The following EPHB1 variants were observed in gnomAD, a reference collection of about 807,000 sequenced individuals.
EPHB1 encodes EPH receptor B1, also known as ephrin type-B receptor 1.
EPHB1 carries 30 observed loss-of-function variants against 94.4 expected under a neutral mutation model. That is an observed-to-expected ratio of 0.32 (90% confidence interval 0.24 to 0.43). The LOEUF (loss-of-function observed/expected upper bound fraction) is 0.43. Among genes scored for constraint, EPHB1 ranks in the 20% least tolerant of loss-of-function variants. The probability of loss-of-function intolerance (pLI) is 1.00; values close to 1 mark genes in which losing one functional copy is unlikely to be tolerated. For missense variants in EPHB1, 1,055 were observed against 1,308.3 expected, an observed-to-expected ratio of 0.81 and a Z score of 2.99; for synonymous variants, 522 against 489.1, an observed-to-expected ratio of 1.07 and a Z score of -0.89.
chr3:135,245,339 G>A (rs188068895), intron 13 of EPHB1, among the ~76,000 whole-genome samples: 162 of 152,256 alleles, frequency 1.1e-3, no homozygotes, highest in African/African-American at 3.8e-3. Flanking sequence ...TTTGAAACCA[G>A]CCTTCCAAGG....
intron 3 of EPHB1, among the ~76,000 whole-genome samples, chr3:135,011,570 C>T (rs1935621654): frequency 6.6e-6 from 1 of 152,178 alleles, no homozygotes; most frequent in African/African-American, 2.4e-5. Context: ...GGCTGCTGCT[C>T]TGCCTGCTTC....
In EPHB1 at chr3:135,121,876, A is replaced by G. The variant is rs187915826; in HGVS notation, c.962-10838A>G. On this transcript the variant is annotated intron_variant, in intron 4 of 15. Coordinates refer to ENST00000398015, the MANE Select transcript of EPHB1 (RefSeq NM_004441.5). ...CCTTCTAGAAAGTGAATAGATGGAA[A>G]GGGACTCCCAGATAACTATATCAGG... is the stretch of plus-strand genomic sequence containing the variant. Among the ~76,000 whole-genome samples the G allele has an allele frequency of 2.1e-3, 319 of 152,182 alleles. 1 individual carries two copies. Among genetic ancestry groups the G allele is most frequent in the African/African-American group, 7.3e-3 (302 of 41,524 alleles).
intron 15 of EPHB1, among the ~76,000 whole-genome samples, chr3:135,257,542 T>C (rs553954568): frequency 6.6e-6 from 1 of 151,912 alleles, no homozygotes; most frequent in South Asian, 2.1e-4. Context: ...GGGTCAGGGG[T>C]CAGGGACCCA....
intron 3 of EPHB1, among the ~76,000 whole-genome samples, chr3:135,053,384 AAT>A (rs1300734413): frequency 6.6e-6 from 1 of 152,100 alleles, no homozygotes; most frequent in Non-Finnish European, 1.5e-5. Context: ...CAATAAGTTA[AAT>A]ATATAGTCAC....
intron 3 of EPHB1, among the ~76,000 whole-genome samples, chr3:134,960,226 G>A (rs79296102): frequency 6.6e-6 from 1 of 151,996 alleles, no homozygotes; most frequent in Admixed American, 6.6e-5. Context: ...GGGTGAAGAA[G>A]ACTGGAAAGA....
intron 12 of EPHB1, 22 bp downstream of exon 12, chr3:135,201,711 CA>C: frequency 6.2e-7 from 1 of 1,606,596 alleles, no homozygotes; most frequent in South Asian, 1.1e-5. Context: ...TTGGCATTCT[CA>C]AGTAGAAGCA....
In EPHB1 at chr3:135,006,811, A is replaced by G. The variant is rs570687953; in HGVS notation, c.805+54759A>G. Among the ~76,000 whole-genome samples, 19 of 145,896 alleles carry G rather than the reference A, an allele frequency of 1.3e-4. No homozygotes were observed. In the East Asian group the frequency reaches 1.4e-3, roughly 10 times the overall value. On this transcript the variant is annotated intron_variant, in intron 3 of 15. Coordinates refer to ENST00000398015, the MANE Select transcript of EPHB1 (RefSeq NM_004441.5). ...GTGTATGCATTTTAAATTTTGATATATGATGCCAAGTTTTTTTTTTTCAAA... is the reference window on the plus strand; with the variant it reads ...GTGTATGCATTTTAAATTTTGATATGTGATGCCAAGTTTTTTTTTTTCAAA...
intron 9 of EPHB1, among the ~76,000 whole-genome samples, chr3:135,178,759 C>G (rs13324388): frequency 6.6e-6 from 1 of 152,066 alleles, no homozygotes; most frequent in Admixed American, 6.5e-5. Flanking sequence ...GTCACTGCAC[C>G]TGGAGCAGTG....
At chr3:134,815,333 G>T (rs2036249867) in intron 1 of EPHB1, among the ~76,000 whole-genome samples, 1 of 152,068 alleles carries the variant, frequency 6.6e-6, no homozygotes, top group South Asian at 2.1e-4. Flanking sequence ...TATGCTACCT[G>T]CTCTCAGGTG....
At chr3:134,976,613 A>G (rs1934202415) in intron 3 of EPHB1, among the ~76,000 whole-genome samples, 1 of 152,038 alleles carries the variant, frequency 6.6e-6, no homozygotes, top group African/African-American at 2.4e-5. Flanking sequence ...ACGTCACCCC[A>G]TCTCCTCCTC....
chr3:134,811,732 C>G (rs2036184134), intron 1 of EPHB1, among the ~76,000 whole-genome samples: 1 of 146,482 alleles, frequency 6.8e-6, no homozygotes, highest in African/African-American at 2.8e-5. Context: ...AATGCATGAT[C>G]TAAACACAAT....
At chr3:135,243,874 T>G (rs1272161904) in intron 13 of EPHB1, among the ~76,000 whole-genome samples, 2 of 152,174 alleles carry the variant, frequency 1.3e-5, no homozygotes, top group African/African-American at 4.8e-5. Context: ...TGGCAGTGTC[T>G]GTGGAGAGGA....
intron 1 of EPHB1, among the ~76,000 whole-genome samples, chr3:134,873,910 G>A (rs139750016): frequency 1.7e-4 from 26 of 152,308 alleles, no homozygotes; most frequent in African/African-American, 6.0e-4. Flanking sequence ...TCATGGGGCA[G>A]TAGTTTGTCA....
At chr3:135,061,949 A>G (rs1414357152) in intron 3 of EPHB1, among the ~76,000 whole-genome samples, 1 of 152,194 alleles carries the variant, frequency 6.6e-6, no homozygotes, top group East Asian at 1.9e-4. Context: ...ATGGCTGCAT[A>G]GTATTCCATG....
intron 1 of EPHB1, 57 bp from the exon 2 acceptor site, chr3:134,925,759 T>C: frequency 1.4e-6 from 2 of 1,461,412 alleles, no homozygotes; most frequent in Non-Finnish European, 1.9e-6. Flanking sequence ...GGCCACTGTA[T>C]AGCAATCCTT....
chr3:134,796,634 C>T (rs2035833566), intron 1 of EPHB1, among the ~76,000 whole-genome samples: 1 of 152,242 alleles, frequency 6.6e-6, no homozygotes, highest in Admixed American at 6.5e-5. Flanking sequence ...CCGCCTCCCG[C>T]CCCTTCCCCC....
Position 135,059,041 on chromosome 3 carries a change from G to C in EPHB1, c.806-47407G>C, listed in dbSNP as rs542543745. Among the ~76,000 whole-genome samples, 10 of 152,076 alleles carry C rather than the reference G, an allele frequency of 6.6e-5. No homozygotes were observed. In the East Asian group the frequency reaches 1.7e-3, roughly 26 times the overall value. On this transcript the variant is annotated intron_variant, in intron 3 of 15. Coordinates refer to ENST00000398015, the MANE Select transcript of EPHB1 (RefSeq NM_004441.5). ...ACTCACTCAAGCTTGTGAAAATCAAGTGTGACAGATATTATCAAATAAATC... is the reference window on the plus strand; with the variant it reads ...ACTCACTCAAGCTTGTGAAAATCAACTGTGACAGATATTATCAAATAAATC...
intron 11 of EPHB1, 112 bp downstream of exon 11, chr3:135,192,935 A>G: frequency 7.2e-7 from 1 of 1,380,022 alleles, no homozygotes; most frequent in Non-Finnish European, 9.9e-7. Flanking sequence ...ATCCAGTGTG[A>G]ATGGGCATTG....
chr3:135,107,467 T>C (rs1164403680), intron 4 of EPHB1, among the ~76,000 whole-genome samples: 1 of 152,248 alleles, frequency 6.6e-6, no homozygotes, highest in Admixed American at 6.5e-5. Flanking sequence ...ATGACCTCTC[T>C]TTTAAGTATC....
Sources: allele counts gnomAD v4.1 joint callset (sites outside exome capture counted in the v4.1 genomes callset), GRCh38; gene constraint gnomAD v4.1.1; transcripts MANE v1.5; gene names NCBI Gene and HGNC (gene_info 2026-07-23, HGNC 2026-07-21).